DMD: variants seen among roughly 807,000 people sequenced by gnomAD.
DMD encodes mutant dystrophin.
In DMD, 63 loss-of-function variants were observed where a neutral mutation model predicts 330.1. The observed-to-expected ratio is 0.19, with a 90% CI of 0.16 to 0.24. The LOEUF (loss-of-function observed/expected upper bound fraction) is 0.24, where lower values mean the gene tolerates loss of function less well. Among genes scored for constraint, DMD ranks in the 10% least tolerant of loss-of-function variants. DMD has a pLI of 1.00. For synonymous variants in DMD, 1,223 were observed against 959.8 expected, an observed-to-expected ratio of 1.27 and a Z score of -5.07; for missense variants, 3,344 against 2,684.1, an observed-to-expected ratio of 1.25 and a Z score of -5.43.
At chrX:33,102,444 G>A (rs1479169515) in intron 1 of DMD, among the ~76,000 whole-genome samples, 4 of 110,278 alleles carry the variant, frequency 3.6e-5, no homozygotes, top group African/African-American at 1.3e-4. Context: ...TGGTTGTACA[G>A]TTAAAATTTT....
intron 7 of DMD, among the ~76,000 whole-genome samples, chrX:32,776,468 C>G (rs2074159884): frequency 9.0e-6 from 1 of 111,000 alleles, no homozygotes; most frequent in Non-Finnish European, 1.9e-5. Context: ...AATAGACTCA[C>G]AGTTCTACAT....
chrX:32,637,645 T>A (rs1246225494), intron 11 of DMD, among the ~76,000 whole-genome samples: 2 of 111,706 alleles, frequency 1.8e-5, no homozygotes, highest in African/African-American at 3.3e-5. Flanking sequence ...TCGGCATGGC[T>A]GGGGAGGCCT....
intron 7 of DMD, among the ~76,000 whole-genome samples, chrX:32,705,226 A>G (rs2064510548): frequency 9.0e-6 from 1 of 111,206 alleles, no homozygotes; most frequent in South Asian, 3.8e-4. Flanking sequence ...TAAATTAAGT[A>G]CTCCTTAATT....
At chrX:32,687,743 G>T (rs2062986378) in intron 9 of DMD, among the ~76,000 whole-genome samples, 1 of 111,131 alleles carries the variant, frequency 9.0e-6, no homozygotes, top group South Asian at 3.8e-4. Flanking sequence ...AATCAAAAGA[G>T]ATAATAAGAA....
chrX:32,536,264 CAAAAAAAAAA>C (rs1191335690), intron 17 of DMD, among the ~76,000 whole-genome samples: 1 of 36,378 alleles, frequency 2.7e-5, no homozygotes, highest in Non-Finnish European at 4.7e-5. Context: ...ACTCCGTCTC[CAAAAAAAAAA>C]AAAAAAAAAA....
intron 78 of DMD, among the ~76,000 whole-genome samples, chrX:31,123,416 G>T (rs2033123543): frequency 8.9e-6 from 1 of 111,816 alleles, no homozygotes; most frequent in Non-Finnish European, 1.9e-5. Context: ...TCATAAAGTG[G>T]GCCAATAGTT....
chrX:31,340,956 A>T (rs1345799750), intron 61 of DMD, among the ~76,000 whole-genome samples: 1 of 112,196 alleles, frequency 8.9e-6, no homozygotes, highest in Non-Finnish European at 1.9e-5. Context: ...AGTTATACAA[A>T]CAACTATTGA....
chrX:32,814,684 A>G (rs1192247493), intron 6 of DMD, among the ~76,000 whole-genome samples: 1 of 111,853 alleles, frequency 8.9e-6, no homozygotes, highest in Non-Finnish European at 1.9e-5. Context: ...ATATTTTGAC[A>G]GAGAAAGAGT....
At chrX:33,227,712 AAGAGAGAG>A (rs759143130) in intron 1 of DMD, among the ~76,000 whole-genome samples, 2 of 104,784 alleles carry the variant, frequency 1.9e-5, no homozygotes, top group Middle Eastern at 4.9e-3. Context: ...ATAGTTTTTA[AAGAGAGAG>A]AGAGAGAGAG....
chrX:31,847,462 T>C (rs1395555468), intron 48 of DMD, among the ~76,000 whole-genome samples: 1 of 111,671 alleles, frequency 9.0e-6, no homozygotes, highest in African/African-American at 3.2e-5. Flanking sequence ...CAAAGATAGG[T>C]CAGTTATTAA....
intron 17 of DMD, among the ~76,000 whole-genome samples, chrX:32,525,782 T>C (rs939205972): frequency 8.1e-5 from 9 of 111,796 alleles, no homozygotes; most frequent in Non-Finnish European, 1.3e-4. Context: ...TTTTCTATCA[T>C]ACTTTGCACT....
intron 47 of DMD, among the ~76,000 whole-genome samples, chrX:31,909,752 T>TA (rs2094524547): frequency 8.9e-6 from 1 of 112,255 alleles, no homozygotes; most frequent in South Asian, 3.7e-4. Flanking sequence ...TTGAATATCA[T>TA]AAAAATCTCT....
At chrX:33,333,326 AG>A (rs202231501) in intron 1 of DMD, among the ~76,000 whole-genome samples, 5,740 of 111,377 alleles carry the variant, frequency 0.052, 177 homozygotes, top group Middle Eastern at 0.09. Context: ...ACACAAAAAA[AG>A]CTCCCCCACG....
chrX:31,918,199 G>A (rs891601384), intron 47 of DMD, among the ~76,000 whole-genome samples: 2 of 112,405 alleles, frequency 1.8e-5, no homozygotes, highest in African/African-American at 6.5e-5. Flanking sequence ...TCGTAATAAA[G>A]TATGATAGTA....
In DMD at chrX:33,211,336, G is replaced by A. The variant is rs1228358933; in HGVS notation, c.-24C>T. 8.3e-7 allele frequency: 1 copy of A among 1,204,157 alleles called. No homozygotes were observed. Among genetic ancestry groups the A allele is most frequent in the African/African-American group, 1.8e-5 (1 of 56,871 alleles). On this transcript the variant is annotated 5_prime_UTR_variant, in exon 1 of 79. Coordinates refer to ENST00000357033, the MANE Select transcript of DMD (RefSeq NM_004006.3). ...ATTTTGAAAAGTGTATATCAAGGCA[G>A]CGATAAAAAAAACCTGGTAAAAGTT...
chrX:32,104,853 C>T (rs921407255), intron 44 of DMD, among the ~76,000 whole-genome samples: 1 of 110,935 alleles, frequency 9.0e-6, no homozygotes, highest in Non-Finnish European at 1.9e-5. Flanking sequence ...TAGTTTTCTG[C>T]TATGGAAAAG....
intron 62 of DMD, among the ~76,000 whole-genome samples, chrX:31,264,627 A>T (rs1053015342): frequency 2.7e-5 from 3 of 112,014 alleles, no homozygotes; most frequent in Non-Finnish European, 5.6e-5. Flanking sequence ...TCTTCTTTCT[A>T]CAAACCATGA....
At position 32,491,283 on chromosome X, in the gene DMD, A is replaced by C. The variant is rs141423865; in HGVS notation, c.2616T>G (p.Ile872Met). 2.5e-6 allele frequency: 3 copies of C among 1,210,448 alleles called. No homozygotes were observed. The highest frequency in any genetic ancestry group is 3.0e-5 in the East Asian group (1 of 33,777). The stretch of plus-strand genomic sequence containing the variant: ...AAGGAGAAGAGATTCTTACCTTACA[A>C]ATTTTTAACTGACTTTTAATTGCTG... ...EPTAIKSQLK[I>M]CKDEVNRLSD... The change falls in exon 20 of 79, where the codon ATT becomes ATG. Residue 872 changes from isoleucine (I) to methionine (M), a missense_variant. Coordinates refer to ENST00000357033, the MANE Select transcript of DMD (RefSeq NM_004006.3).
intron 6 of DMD, among the ~76,000 whole-genome samples, chrX:32,812,848 G>A (rs915075884): frequency 5.4e-5 from 6 of 111,274 alleles, no homozygotes; most frequent in Non-Finnish European, 7.5e-5. Flanking sequence ...AAAAATTGTA[G>A]AATATTTAGG....
Sources: allele counts gnomAD v4.1 joint callset (sites outside exome capture counted in the v4.1 genomes callset), GRCh38; gene constraint gnomAD v4.1.1; transcripts MANE v1.5; gene names NCBI Gene and HGNC (gene_info 2026-07-23, HGNC 2026-07-21).